SV2C: variants seen among roughly 807,000 people sequenced by gnomAD.
SV2C encodes the protein solute carrier family 22 member B3.
SV2C carries 49 observed loss-of-function variants against 79.7 expected under a neutral mutation model. The observed-to-expected ratio is 0.61, with a 90% CI of 0.49 to 0.78. The LOEUF (loss-of-function observed/expected upper bound fraction) is 0.78. SV2C is among the 30% of genes least tolerant of loss of function. The pLI is 0.00. For synonymous variants in SV2C, 334 were observed against 333.2 expected (o/e 1.00, Z -0.03); for missense variants, 833 against 912.9 (o/e 0.91, Z 1.13).
At chr5:76,126,148 T>A (rs1483970812) in intron 1 of SV2C, among the ~76,000 whole-genome samples, 1 of 152,176 alleles carries the variant, frequency 6.6e-6, no homozygotes, top group Non-Finnish European at 1.5e-5. Context: ...GGGAAGGCCA[T>A]CACATGTATT....
chr5:76,007,997 G>T, the SV2C span, among the ~76,000 whole-genome samples: 1 of 152,162 alleles, frequency 6.6e-6, no homozygotes, highest in South Asian at 2.1e-4. Flanking sequence ...AATGCCGGTG[G>T]CAACAGGTGC....
rs1477668763 is a variant in SV2C, at chr5:76,176,318, C to T, written c.581-18601C>T. 4.6e-5 allele frequency among the ~76,000 whole-genome samples: 7 copies of T among 152,304 alleles called. No individual in the cohort carries two copies. The East Asian group carries it at 1.3e-3, about 29-fold the overall frequency. ...CTACCCAGTTTTCTAAGAAGAGCTG[C>T]GGTTTTGTTTCATCCTGTCTCAGAG... is the stretch of plus-strand genomic sequence containing the variant. On this transcript the variant is annotated intron_variant, in intron 2 of 12. Coordinates refer to ENST00000502798, the MANE Select transcript of SV2C (RefSeq NM_014979.4).
the SV2C span, among the ~76,000 whole-genome samples, chr5:75,970,768 C>G: frequency 1.3e-5 from 2 of 152,108 alleles, no homozygotes; most frequent in African/African-American, 4.8e-5. Context: ...GGTACCATTC[C>G]TTCTGAAACT....
intron 2 of SV2C, among the ~76,000 whole-genome samples, chr5:76,165,381 G>A (rs888532285): frequency 1.3e-5 from 2 of 151,974 alleles, no homozygotes; most frequent in Non-Finnish European, 2.9e-5. Context: ...TGGAGGAATG[G>A]TATAGTTCTA....
At chr5:76,004,958 G>A in the SV2C span, among the ~76,000 whole-genome samples, 2 of 152,264 alleles carry the variant, frequency 1.3e-5, no homozygotes, top group South Asian at 4.2e-4. Flanking sequence ...TTGTCAGAGG[G>A]CCTGAGGAGT....
At chr5:76,343,010 C>T (rs1000267613) in intron 12 of SV2C, among the ~76,000 whole-genome samples, 4 of 151,960 alleles carry the variant, frequency 2.6e-5, no homozygotes, top group Non-Finnish European at 2.9e-5. Flanking sequence ...AGGCGTGAGG[C>T]ACCGCACCTG....
chr5:75,848,193 C>T, the SV2C span, among the ~76,000 whole-genome samples: 22 of 152,172 alleles, frequency 1.4e-4, no homozygotes, highest in African/African-American at 5.3e-4. Context: ...AGCCATGGTC[C>T]AGATGGAGTG....
intron 4 of SV2C, among the ~76,000 whole-genome samples, chr5:76,217,738 G>A (rs1744945759): frequency 6.6e-6 from 1 of 151,408 alleles, no homozygotes; most frequent in Non-Finnish European, 1.5e-5. Flanking sequence ...TTTGAGATTA[G>A]AGAAGTCAGA....
intron 8 of SV2C, among the ~76,000 whole-genome samples, chr5:76,292,577 C>G (rs970968178): frequency 6.6e-6 from 1 of 152,102 alleles, no homozygotes; most frequent in African/African-American, 2.4e-5. Context: ...GAGTTGGAAG[C>G]TTAAGAGTGT....
At chr5:75,917,584 G>A in the SV2C span, among the ~76,000 whole-genome samples, 2 of 152,102 alleles carry the variant, frequency 1.3e-5, no homozygotes, top group Admixed American at 1.3e-4. Context: ...AATATTAGGT[G>A]TTCTCATTTA....
chr5:76,246,483 T>G (rs1745951417), intron 4 of SV2C, among the ~76,000 whole-genome samples: 1 of 152,224 alleles, frequency 6.6e-6, no homozygotes. Context: ...GACAGGCAGC[T>G]AGACATTTTT....
chr5:76,334,647 G>A (rs138965308), downstream of SV2C, among the ~76,000 whole-genome samples: 33 of 152,186 alleles, frequency 2.2e-4, no homozygotes, highest in East Asian at 5.2e-3. Flanking sequence ...ACATCTAAGC[G>A]CCAGAAGGAG....
chr5:75,915,944 C>T, the SV2C span, among the ~76,000 whole-genome samples: 2 of 152,018 alleles, frequency 1.3e-5, no homozygotes, highest in African/African-American at 4.8e-5. Flanking sequence ...CTCTTGCGTG[C>T]TTGCAAAAGG....
the SV2C span, among the ~76,000 whole-genome samples, chr5:75,980,178 T>A: frequency 6.6e-6 from 1 of 152,058 alleles, no homozygotes; most frequent in African/African-American, 2.4e-5. Flanking sequence ...AATAATTGAA[T>A]CCCTGAACAG....
At chr5:75,904,170 G>T in the SV2C span, among the ~76,000 whole-genome samples, 1 of 152,134 alleles carries the variant, frequency 6.6e-6, no homozygotes, top group Admixed American at 6.6e-5. Context: ...TTAGGTTAGG[G>T]AGAGATAAAC....
At chr5:75,995,540 G>A in the SV2C span, among the ~76,000 whole-genome samples, 6 of 152,094 alleles carry the variant, frequency 3.9e-5, no homozygotes, top group African/African-American at 7.2e-5. Flanking sequence ...AGTTAGAAAT[G>A]CTATCAAATA....
chr5:75,985,220 C>A, the SV2C span, among the ~76,000 whole-genome samples: 1 of 151,978 alleles, frequency 6.6e-6, no homozygotes. Context: ...CCACTCTCAG[C>A]AGGATCTAAC....
chr5:76,012,745 A>G, the SV2C span, among the ~76,000 whole-genome samples: 18 of 152,166 alleles, frequency 1.2e-4, no homozygotes, highest in Non-Finnish European at 2.4e-4. Context: ...TAGTTCTTAC[A>G]TCTAAGTCTT....
chr5:76,313,734 T>C (rs1748532555), intron 12 of SV2C, among the ~76,000 whole-genome samples: 1 of 152,040 alleles, frequency 6.6e-6, no homozygotes, highest in African/African-American at 2.4e-5. Flanking sequence ...AGACCAGGAG[T>C]ACCATTTCAC....
Sources: allele counts gnomAD v4.1 joint callset (sites outside exome capture counted in the v4.1 genomes callset), GRCh38; gene constraint gnomAD v4.1.1; transcripts MANE v1.5; gene names NCBI Gene and HGNC (gene_info 2026-07-23, HGNC 2026-07-21).